SCLT1: variants seen among roughly 807,000 people sequenced by gnomAD.
SCLT1 encodes sodium channel-associated protein 1.
Under a neutral mutation model 112.8 loss-of-function variants are expected in SCLT1, and 78 were observed. The ratio of observed to expected loss-of-function variants is 0.69; its 90% confidence interval spans 0.58 to 0.83. SCLT1 has a LOEUF of 0.83. SCLT1 is among the 40% of genes least tolerant of loss of function. The probability of loss-of-function intolerance (pLI) is 0.00; values close to 1 mark genes in which losing one functional copy is unlikely to be tolerated. For synonymous variants in SCLT1, 257 were observed against 254.7 expected (o/e 1.01, Z -0.09); for missense variants, 747 against 770.4 (o/e 0.97, Z 0.36).
At chr4:128,969,333 G>A (rs751597649) in intron 10 of SCLT1, among the ~76,000 whole-genome samples, 2 of 152,134 alleles carry the variant, frequency 1.3e-5, no homozygotes, top group African/African-American at 2.4e-5. Flanking sequence ...AGCACTTTGG[G>A]AGGCTGAGGC....
chr4:129,007,857 T>G (rs1457540523), intron 5 of SCLT1, among the ~76,000 whole-genome samples: 7 of 152,192 alleles, frequency 4.6e-5, no homozygotes, highest in African/African-American at 1.7e-4. Context: ...TTAATTACAT[T>G]TTATTATTCC....
chr4:128,952,847 A>G lies in SCLT1; in HGVS notation c.1147-7T>C, dbSNP rs748336682. 1 of 1,356,352 alleles carries G rather than the reference A, an allele frequency of 7.4e-7. No individual in the cohort carries two copies. Among genetic ancestry groups the G allele is most frequent in the South Asian group, 1.2e-5 (1 of 85,578 alleles). The allele number at this position is 1,356,352 out of a possible 1,614,324, so 84.0% of individuals were successfully genotyped here. ...GTTTTTTGGTGTTTGCAACCTGTAA[A>G]TTAAGACATTTACTCATTATTTGGT... is the stretch of plus-strand genomic sequence containing the variant. On this transcript the variant is annotated splice_polypyrimidine_tract_variant and splice_region_variant and intron_variant, in intron 13 of 20. Coordinates refer to ENST00000281142, the MANE Select transcript of SCLT1 (RefSeq NM_144643.4).
At chr4:128,964,588 G>A (rs1218636130) in intron 11 of SCLT1, among the ~76,000 whole-genome samples, 1 of 152,112 alleles carries the variant, frequency 6.6e-6, no homozygotes, top group Non-Finnish European at 1.5e-5. Flanking sequence ...AATCCTTTTT[G>A]TAGGATTTAT....
intron 13 of SCLT1, 97 bp downstream of exon 13, chr4:128,956,929 G>T: frequency 1.5e-6 from 1 of 654,340 alleles, no homozygotes; most frequent in Non-Finnish European, 2.6e-6. Context: ...AACTATGTAG[G>T]CAAGTATTTT....
At chr4:129,010,248 T>C (rs1323824643) in intron 5 of SCLT1, among the ~76,000 whole-genome samples, 1 of 152,184 alleles carries the variant, frequency 6.6e-6, no homozygotes, top group Non-Finnish European at 1.5e-5. Context: ...TATTTCTGGG[T>C]TCTCTATTCT....
rs768874682 is a variant in SCLT1 at position 128,997,917 on chromosome 4, T to A, written c.572A>T (p.Gln191Leu). The change falls in exon 8 of 21, where the codon CAA becomes CTA. Residue 191 changes from glutamine (Q) to leucine (L), a missense_variant. Coordinates refer to ENST00000281142, the MANE Select transcript of SCLT1 (RefSeq NM_144643.4). ...KQKDQLFDFQ[Q>L]LTKQLHVTNE... Reference sequence around the variant, plus strand: ...AGTAACATGAAGTTGTTTGGTCAGTTGTTGAAAATCAAATAGCTGATCCTA... The same window carrying A: ...AGTAACATGAAGTTGTTTGGTCAGTAGTTGAAAATCAAATAGCTGATCCTA... 7.3e-6 allele frequency: 11 copies of A among 1,515,424 alleles called. No individual in the cohort carries two copies. Among genetic ancestry groups the A allele is most frequent in the Non-Finnish European group, 8.9e-6 (10 of 1,126,100 alleles). 93.9% of individuals were successfully genotyped at this position (1,515,424 alleles called of 1,614,324 possible). A position where few individuals can be genotyped will look rare whatever the true frequency, so the allele number is the denominator to read the frequency against.
At chr4:128,952,414 G>C (rs1187921789) in intron 14 of SCLT1, 1 of 466,656 alleles carries the variant, frequency 2.1e-6, no homozygotes, top group Admixed American at 2.3e-5. Context: ...TTTCTTTCAG[G>C]AAGCTTTCTG....
chr4:128,937,080 G>C (rs749035620), intron 17 of SCLT1, among the ~76,000 whole-genome samples: 2 of 151,794 alleles, frequency 1.3e-5, no homozygotes, highest in Non-Finnish European at 2.9e-5. Flanking sequence ...AGTTTTGAGA[G>C]CAGCCTGACC....
intron 13 of SCLT1, among the ~76,000 whole-genome samples, chr4:128,953,215 T>G (rs934003206): frequency 6.6e-6 from 1 of 152,216 alleles, no homozygotes; most frequent in Non-Finnish European, 1.5e-5. Context: ...CCGATTAACC[T>G]GAACAATATT....
At chr4:128,931,619 C>T (rs958582143) in intron 18 of SCLT1, among the ~76,000 whole-genome samples, 3 of 152,058 alleles carry the variant, frequency 2.0e-5, no homozygotes, top group Admixed American at 6.6e-5. Context: ...TCTGCCACCA[C>T]GCCCGGCTAA....
In SCLT1 at chr4:128,981,139, T is replaced by C. The variant is rs539771140; in HGVS notation, c.687-10671A>G. ...TCAAAGACTAGTGTAGAGAGATGGATTTGTAAACACTTAATAAAGTGTTAA... is the reference window on the plus strand; with the variant it reads ...TCAAAGACTAGTGTAGAGAGATGGACTTGTAAACACTTAATAAAGTGTTAA... On this transcript the variant is annotated intron_variant, in intron 9 of 20. Transcript: ENST00000281142. 1.9e-3 allele frequency among the ~76,000 whole-genome samples: 293 copies of C among 152,268 alleles called. 1 individual carries two copies. Among genetic ancestry groups the C allele is most frequent in the Non-Finnish European group, 3.3e-3 (222 of 68,014 alleles).
At chr4:128,924,348 G>A in intron 18 of SCLT1, among the ~76,000 whole-genome samples, 1 of 151,806 alleles carries the variant, frequency 6.6e-6, no homozygotes, top group East Asian at 1.9e-4. Context: ...CACAATCTTG[G>A]CTCACCACCT....
rs528163976 is a variant in SCLT1, at chr4:129,000,534, C to T, written c.427-740G>A. 6.6e-5 allele frequency among the ~76,000 whole-genome samples: 10 copies of T among 151,934 alleles called. No individual in the cohort carries two copies. In the South Asian group the frequency reaches 8.3e-4, roughly 13 times the overall value. The stretch of plus-strand genomic sequence containing the variant: ...TTCAGAATAATATGTTAACATTTTT[C>T]GCCTTTTTACTCTCATCCTCTCACA... On this transcript the variant is annotated intron_variant, in intron 6 of 20. Transcript: ENST00000281142.
intron 19 of SCLT1, among the ~76,000 whole-genome samples, chr4:128,890,511 A>G (rs1205342145): frequency 6.6e-6 from 1 of 152,298 alleles, no homozygotes; most frequent in South Asian, 2.1e-4. Flanking sequence ...AGTAGACCAT[A>G]TATTCAGAGA....
intron 5 of SCLT1, among the ~76,000 whole-genome samples, chr4:129,027,161 A>T (rs1746184759): frequency 6.6e-6 from 1 of 152,314 alleles, no homozygotes; most frequent in Non-Finnish European, 1.5e-5. Context: ...AAACTATTCC[A>T]ATCAATAGAA....
At chr4:128,897,966 G>C (rs1404190072) in intron 18 of SCLT1, among the ~76,000 whole-genome samples, 1 of 152,238 alleles carries the variant, frequency 6.6e-6, no homozygotes, top group East Asian at 1.9e-4. Flanking sequence ...TCAACAAGAA[G>C]AGCTAACTAT....
intron 2 of SCLT1, among the ~76,000 whole-genome samples, chr4:129,047,827 T>C (rs1420736999): frequency 6.6e-6 from 1 of 152,028 alleles, no homozygotes; most frequent in Non-Finnish European, 1.5e-5. Context: ...CCTTTTTTAA[T>C]TAGATTCTTC....
intron 5 of SCLT1, among the ~76,000 whole-genome samples, chr4:129,033,812 T>C: frequency 6.6e-6 from 1 of 152,146 alleles, no homozygotes; most frequent in Non-Finnish European, 1.5e-5. Flanking sequence ...TGAAGTTTGA[T>C]GAGAGGTCTA....
In SCLT1 at chr4:128,956,010, A is replaced by C. The variant is rs181250843; in HGVS notation, c.1146+1016T>G. Among the ~76,000 whole-genome samples the C allele has an allele frequency of 8.7e-4, 133 of 152,314 alleles. 1 individual carries two copies. In the Middle Eastern group the frequency reaches 0.031, roughly 35 times the overall value. On this transcript the variant is annotated intron_variant, in intron 13 of 20. Transcript: ENST00000281142. ...CAATCTGGGACTGACTATGAGAGTA[A>C]GTTCAGTTTCAGACATGTTGAGTTT...
Sources: allele counts gnomAD v4.1 joint callset (sites outside exome capture counted in the v4.1 genomes callset), GRCh38; gene constraint gnomAD v4.1.1; transcripts MANE v1.5; gene names NCBI Gene and HGNC (gene_info 2026-07-23, HGNC 2026-07-21).